The following CACNA1G variants were observed in gnomAD, a reference collection of about 807,000 sequenced individuals.
CACNA1G encodes calcium voltage-gated channel subunit alpha1 G.
Under a neutral mutation model 219.4 loss-of-function variants are expected in CACNA1G, and 67 were observed. The observed-to-expected ratio is 0.31, with a 90% CI of 0.25 to 0.37. The LOEUF is 0.37. CACNA1G is among the 10% of genes least tolerant of loss of function. CACNA1G has a pLI of 1.00. For synonymous variants in CACNA1G, 1,296 were observed against 1,345.3 expected (o/e 0.96, Z 0.80); for missense variants, 2,380 against 3,231.4 (o/e 0.74, Z 6.39).
chr17:50,604,307 G>C, intron 22 of CACNA1G, 26 bp downstream of exon 22: 1 of 1,610,456 alleles, frequency 6.2e-7, no homozygotes, highest in Non-Finnish European at 8.5e-7. Context: ...GGGGCCAGCT[G>C]TGGGTGAAAG....
chr17:50,602,779 G>C, intron 19 of CACNA1G, 41 bp from the exon 20 acceptor site: 1 of 1,598,354 alleles, frequency 6.3e-7, no homozygotes, highest in Non-Finnish European at 8.6e-7. Flanking sequence ...CCAAGGGTGG[G>C]GGCTTCCTGG....
At chr17:50,568,613 C>T (rs527882458) in intron 1 of CACNA1G, among the ~76,000 whole-genome samples, 11 of 152,124 alleles carry the variant, frequency 7.2e-5, no homozygotes, top group Non-Finnish European at 1.6e-4. Flanking sequence ...TGCAAATAGT[C>T]AGGGTATTTG....
At chr17:50,605,768 C>A in intron 22 of CACNA1G, 130 bp from the exon 23 acceptor site, 1 of 908,066 alleles carries the variant, frequency 1.1e-6, no homozygotes, top group Non-Finnish European at 1.7e-6. Flanking sequence ...CCTGACTTGA[C>A]TGGCCCCAGA....
chr17:50,620,713 C>T (rs539602376), intron 34 of CACNA1G, among the ~76,000 whole-genome samples: 1 of 152,182 alleles, frequency 6.6e-6, no homozygotes, highest in Non-Finnish European at 1.5e-5. Flanking sequence ...AGCCTTTAGC[C>T]TGATCCCAGA....
At chr17:50,604,397 A>C in intron 22 of CACNA1G, 116 bp downstream of exon 22, 1 of 1,314,796 alleles carries the variant, frequency 7.6e-7, no homozygotes, top group Non-Finnish European at 1.1e-6. Flanking sequence ...GAAAGGAATA[A>C]GCAGGGACGC....
chr17:50,593,199 G>T (rs1195705754), intron 13 of CACNA1G, among the ~76,000 whole-genome samples: 1 of 152,132 alleles, frequency 6.6e-6, no homozygotes, highest in East Asian at 1.9e-4. Flanking sequence ...ACTAATTTGG[G>T]GGTTCCCTGA....
In CACNA1G at chr17:50,603,579, G is replaced by A. The variant is rs2047250719; in HGVS notation, c.4169+380G>A. Among the ~76,000 whole-genome samples the A allele has an allele frequency of 6.6e-6, 1 of 152,076 alleles. No homozygotes were observed. Among genetic ancestry groups the A allele is most frequent in the Non-Finnish European group, 1.5e-5 (1 of 68,022 alleles). On this transcript the variant is annotated intron_variant, in intron 21 of 37. Coordinates refer to ENST00000359106, the MANE Select transcript of CACNA1G (RefSeq NM_018896.5). The surrounding 1 kb of genome is among the most constrained non-coding windows in gnomAD (Gnocchi z 6.4). The stretch of plus-strand genomic sequence containing the variant: ...GACACTCAGCCCCTCCCCGTGAGGT[G>A]ACAGGCTCCTCTTGCTGGCTTTCCC...
At chr17:50,575,020 C>T (rs1160131990) in intron 7 of CACNA1G, among the ~76,000 whole-genome samples, 1 of 152,122 alleles carries the variant, frequency 6.6e-6, no homozygotes, top group African/African-American at 2.4e-5. Context: ...GGGTCTCTCG[C>T]CCAAAGTCAC....
chr17:50,590,124 C>T (rs899383171), intron 9 of CACNA1G, among the ~76,000 whole-genome samples: 10 of 152,140 alleles, frequency 6.6e-5, no homozygotes, highest in Non-Finnish European at 1.3e-4. Flanking sequence ...CCTGGGCCCG[C>T]TAGGCTTGCA....
chr17:50,591,715 C>T, intron 11 of CACNA1G, 24 bp from the exon 12 acceptor site: 1 of 1,612,402 alleles, frequency 6.2e-7, no homozygotes, highest in Non-Finnish European at 8.5e-7. Flanking sequence ...TGATCCCTAG[C>T]TTGTGGCCCC....
intron 19 of CACNA1G, 31 bp downstream of exon 19, chr17:50,601,205 C>A (rs778654743): frequency 1.2e-6 from 2 of 1,612,120 alleles, no homozygotes; most frequent in Admixed American, 3.3e-5. Context: ...AGGGCAAGGC[C>A]TCTCCTGGGG....
At chr17:50,583,924 G>A (rs2042483652) in intron 9 of CACNA1G, among the ~76,000 whole-genome samples, 1 of 152,148 alleles carries the variant, frequency 6.6e-6, no homozygotes. Context: ...CCCCAAGTAA[G>A]GCCATAGCTA....
chr17:50,608,576 G>T, intron 25 of CACNA1G, among the ~76,000 whole-genome samples: 1 of 149,854 alleles, frequency 6.7e-6, no homozygotes, highest in Non-Finnish European at 1.5e-5. Flanking sequence ...AAAAGAAAAA[G>T]CAAAAACAAA....
rs1290912207 is a variant in CACNA1G at position 50,590,353 on chromosome 17, C to T, written c.2302-118C>T. 13 of 1,137,902 alleles carry T rather than the reference C, an allele frequency of 1.1e-5. No individual in the cohort carries two copies. In the African/African-American group the frequency reaches 1.9e-4, roughly 16 times the overall value. 70.5% of individuals were successfully genotyped at this position (1,137,902 alleles called of 1,614,324 possible). ...CCCCATGGGCCTGAGCATCCAGCAA[C>T]CCCTCCGCACAAGCTTGCTATTCCT... On this transcript the variant is annotated intron_variant, in intron 9 of 37. Coordinates refer to ENST00000359106, the MANE Select transcript of CACNA1G (RefSeq NM_018896.5).
intron 23 of CACNA1G, 21 bp downstream of exon 23, chr17:50,606,044 T>C (rs891719257): frequency 6.2e-7 from 1 of 1,613,432 alleles, no homozygotes; most frequent in Middle Eastern, 1.7e-4. Context: ...GGCTCAGAGG[T>C]GGGGCTGTGG....
chr17:50,596,447 T>C lies in CACNA1G; in HGVS notation c.2980-115T>C, dbSNP rs2045563375. 3 of 827,216 alleles carry C rather than the reference T, an allele frequency of 3.6e-6. No individual in the cohort carries two copies. In the Admixed American group the frequency reaches 5.9e-5, roughly 16 times the overall value. The allele number at this position is 827,216 out of a possible 1,614,324, so 51.2% of individuals were successfully genotyped here. ...CGCCGTGCATGTCTCGTGCCGTGGT[T>C]GCTGGTTCCTGTGGCCTATATGTGG... On this transcript the variant is annotated intron_variant, in intron 14 of 37. Transcript: ENST00000359106. This position sits in a 1 kb window ranked among gnomAD's most constrained non-coding sequence, Gnocchi z 4.8.
intron 25 of CACNA1G, among the ~76,000 whole-genome samples, chr17:50,609,556 C>G (rs1429108014): frequency 6.6e-6 from 1 of 152,120 alleles, no homozygotes; most frequent in Admixed American, 6.5e-5. Context: ...GCCCAGCTGG[C>G]TCCCCTTCTG....
chr17:50,599,068 C>G (rs1211395498), intron 16 of CACNA1G, among the ~76,000 whole-genome samples: 1 of 152,192 alleles, frequency 6.6e-6, no homozygotes, highest in Admixed American at 6.5e-5. Flanking sequence ...GGCCCTTTGC[C>G]CATTTTTTAG....
At position 50,572,989 on chromosome 17, in the gene CACNA1G, C is replaced by G. The variant is rs770502328; in HGVS notation, c.1048-32C>G. 3 of 1,564,296 alleles carry G rather than the reference C, an allele frequency of 1.9e-6. No homozygotes were observed. The East Asian group carries it at 7.0e-5, about 36-fold the overall frequency. Reference sequence around the variant, plus strand: ...GAGACTGAAGGAGGATTTGGTGGGCCCATAGTCAGCCTGCCCCTCTGCACC... The same window carrying G: ...GAGACTGAAGGAGGATTTGGTGGGCGCATAGTCAGCCTGCCCCTCTGCACC... On this transcript the variant is annotated intron_variant, in intron 6 of 37. Coordinates refer to ENST00000359106, the MANE Select transcript of CACNA1G (RefSeq NM_018896.5).
Sources: allele counts gnomAD v4.1 joint callset (sites outside exome capture counted in the v4.1 genomes callset), GRCh38; gene constraint gnomAD v4.1.1; non-coding constraint Gnocchi (gnomAD v3.1); transcripts MANE v1.5; gene names NCBI Gene and HGNC (gene_info 2026-07-23, HGNC 2026-07-21).